Variants in CLCA2 observed in about 807,000 individuals in gnomAD.
The protein encoded by CLCA2 is chloride channel accessory 2.
Under a neutral mutation model 82.9 loss-of-function variants are expected in CLCA2, and 85 were observed. The observed-to-expected ratio is 1.03, with a 90% CI of 0.86 to 1.23. The LOEUF (loss-of-function observed/expected upper bound fraction) is 1.23. Ranked by LOEUF, CLCA2 falls within the 50% of genes most tolerant of loss-of-function variation. The probability of loss-of-function intolerance (pLI) is 0.00; values close to 1 mark genes in which losing one functional copy is unlikely to be tolerated. For synonymous variants in CLCA2, 421 were observed against 391.7 expected (o/e 1.07, Z -0.88); for missense variants, 1,089 against 1,124.8 (o/e 0.97, Z 0.45).
At chr1:86,433,085 A>G (rs1357470382) in intron 5 of CLCA2, among the ~76,000 whole-genome samples, 1 of 152,244 alleles carries the variant, frequency 6.6e-6, no homozygotes, top group Admixed American at 6.5e-5. Flanking sequence ...AATTAAAAAG[A>G]GTACTCTGTC....
At chr1:86,438,639 T>C (rs1433935432) in intron 6 of CLCA2, among the ~76,000 whole-genome samples, 2 of 152,184 alleles carry the variant, frequency 1.3e-5, no homozygotes, top group East Asian at 1.9e-4. Context: ...TGGTAAATTA[T>C]GAGCATCTTG....
chr1:86,437,360 T>C (rs17129155), intron 6 of CLCA2, among the ~76,000 whole-genome samples: 15,822 of 152,210 alleles, frequency 0.1, 977 homozygotes, highest in African/African-American at 0.16. Context: ...ACAATGTGAC[T>C]AGGCTCCACA....
At chr1:86,437,753 AAGAG>A (rs1477889781) in intron 6 of CLCA2, among the ~76,000 whole-genome samples, 2 of 152,132 alleles carry the variant, frequency 1.3e-5, no homozygotes, top group East Asian at 1.9e-4. Flanking sequence ...CAGAAATGGT[AAGAG>A]AGTCCTGGGT....
At chr1:86,444,335 T>C (rs1208784249) in intron 10 of CLCA2, among the ~76,000 whole-genome samples, 2 of 152,176 alleles carry the variant, frequency 1.3e-5, no homozygotes, top group Non-Finnish European at 2.9e-5. Context: ...TAGAAAAAAA[T>C]CTCTACTTAG....
In CLCA2 at chr1:86,453,573, C is replaced by G. The variant is rs781665646; in HGVS notation, c.2360C>G (p.Ala787Gly). Residue 787 changes from alanine (A) to glycine (G), a missense_variant, in exon 13 of 14, where the codon GCA becomes GGA. Physicochemically the swap from Ala to Gly is moderately conservative, Grantham distance 60. Coordinates refer to ENST00000370565, the MANE Select transcript of CLCA2 (RefSeq NM_006536.7). ...VEEELTLSWT[A>G]PGEDFDQGQA... Reference sequence around the variant, plus strand: ...GAGGAATTGACCCTATCTTGGACAGCACCTGGAGAAGACTTTGATCAGGGC... The same window carrying G: ...GAGGAATTGACCCTATCTTGGACAGGACCTGGAGAAGACTTTGATCAGGGC... 3 of 1,614,054 alleles carry G rather than the reference C, an allele frequency of 1.9e-6. No individual in the cohort carries two copies. The highest frequency in any genetic ancestry group is 1.7e-6 in the Non-Finnish European group (2 of 1,179,984).
At position 86,453,488 on chromosome 1, in the gene CLCA2, C is replaced by T. The variant is rs1258210464; in HGVS notation, c.2275C>T (p.Pro759Ser). 1 of 1,614,042 alleles carries T rather than the reference C, an allele frequency of 6.2e-7. No individual in the cohort carries two copies. The highest frequency in any genetic ancestry group is 1.7e-5 in the Admixed American group (1 of 60,012). ...TTCAGTGCTGGGAGTTCCAGCTGGCCCCCACCCTGATGTGTTTCCACCATG... is the reference window on the plus strand; with the variant it reads ...TTCAGTGCTGGGAGTTCCAGCTGGCTCCCACCCTGATGTGTTTCCACCATG... ...SFSVLGVPAG[P>S]HPDVFPPCKI... Residue 759 changes from proline to serine, a missense_variant, in exon 13 of 14, where the codon CCC becomes TCC. Pro to Ser is a moderately conservative substitution (Grantham distance 74). Coordinates refer to ENST00000370565, the MANE Select transcript of CLCA2 (RefSeq NM_006536.7).
At chr1:86,434,936 C>T (rs1467124931) in intron 6 of CLCA2, among the ~76,000 whole-genome samples, 191 bp downstream of exon 6, 1 of 152,046 alleles carries the variant, frequency 6.6e-6, no homozygotes, top group Admixed American at 6.6e-5. Flanking sequence ...CCTGCATTAA[C>T]TATTTATCCT....
In CLCA2 at chr1:86,424,296, A is replaced by G; in HGVS notation, c.49A>G (p.Thr17Ala). The G allele has an allele frequency of 3.7e-6, 6 of 1,613,672 alleles. No homozygotes were observed. The South Asian group carries it at 6.6e-5, about 18-fold the overall frequency. The change falls in exon 1 of 14, where the codon ACT becomes GCT. Residue 17 changes from threonine (T) to alanine (A), a missense_variant. Coordinates refer to ENST00000370565, the MANE Select transcript of CLCA2 (RefSeq NM_006536.7). ...TCCTATTTGCAACCTGAAGTTTGTG[A>G]CTCTCCTGGTTGCCTTAAGTTCAGA... is the stretch of plus-strand genomic sequence containing the variant. ...AGPICNLKFV[T>A]LLVALSSELP...
At chr1:86,433,640 A>G (rs1011118556) in intron 5 of CLCA2, among the ~76,000 whole-genome samples, 1 of 152,218 alleles carries the variant, frequency 6.6e-6, no homozygotes, top group Non-Finnish European at 1.5e-5. Context: ...TAGTCATGAA[A>G]TGGAAGAAAA....
At chr1:86,449,554 A>T (rs1455169199) in intron 11 of CLCA2, among the ~76,000 whole-genome samples, 1 of 152,266 alleles carries the variant, frequency 6.6e-6, no homozygotes, top group Non-Finnish European at 1.5e-5. Context: ...TTCTAAATCT[A>T]TCTTGATAAT....
At chr1:86,450,206 A>G (rs1286808113) in intron 11 of CLCA2, among the ~76,000 whole-genome samples, 1 of 152,220 alleles carries the variant, frequency 6.6e-6, no homozygotes, top group Non-Finnish European at 1.5e-5. Flanking sequence ...GCTTTTATTC[A>G]TATCTCAAAA....
Position 86,455,779 on chromosome 1 carries a change from G to T in CLCA2, c.*252G>T. ...GTAATGTCTTTAAAGGCAAAGGGAA[G>T]GGTAAAGTCGGACCAGTGTCAAGGA... On this transcript the variant is annotated 3_prime_UTR_variant, in exon 14 of 14. Transcript: ENST00000370565. 1 of 211,998 alleles carries T rather than the reference G, an allele frequency of 4.7e-6. No homozygotes were observed. The highest frequency in any genetic ancestry group is 9.2e-6 in the Non-Finnish European group (1 of 108,384). 13.1% of individuals were successfully genotyped at this position (211,998 alleles called of 1,614,324 possible).
rs1285880454 is a variant in CLCA2, at chr1:86,424,436, G to A, written c.186+3G>A. The stretch of plus-strand genomic sequence containing the variant: ...AGAACCTCATCTCAAACATTAAGGT[G>A]AGTGGAAATTATGAAATTGATACTA... On this transcript the variant is annotated splice_donor_region_variant and intron_variant, in intron 1 of 13. Transcript: ENST00000370565. 6 of 1,601,742 alleles carry A rather than the reference G, an allele frequency of 3.7e-6. No homozygotes were observed. The highest frequency in any genetic ancestry group is 5.1e-6 in the Non-Finnish European group (6 of 1,173,794).
intron 10 of CLCA2, among the ~76,000 whole-genome samples, chr1:86,445,804 A>G (rs1039419208): frequency 2.6e-5 from 4 of 152,162 alleles, no homozygotes; most frequent in Admixed American, 6.5e-5. Flanking sequence ...TTATAATAAA[A>G]CAAAAAATAC....
intron 11 of CLCA2, among the ~76,000 whole-genome samples, chr1:86,449,026 T>G (rs1365039216): frequency 6.6e-6 from 1 of 152,230 alleles, no homozygotes; most frequent in African/African-American, 2.4e-5. Context: ...GATATCTAAA[T>G]GTATGCACTA....
At chr1:86,446,778 A>G (rs1437678157) in intron 10 of CLCA2, among the ~76,000 whole-genome samples, 1 of 152,192 alleles carries the variant, frequency 6.6e-6, no homozygotes, top group Admixed American at 6.5e-5. Flanking sequence ...GAAAAGCAAT[A>G]TATGTATAGC....
Position 86,455,602 on chromosome 1 carries a change from C to A in CLCA2, c.*75C>A. ...GACTACAAAAACATACTAACAAAGT[C>A]AAATTAACATCAAAACTGTATTAAA... On this transcript the variant is annotated 3_prime_UTR_variant, in exon 14 of 14. Coordinates refer to ENST00000370565, the MANE Select transcript of CLCA2 (RefSeq NM_006536.7). The A allele has an allele frequency of 1.1e-6, 1 of 931,616 alleles. No homozygotes were observed. 57.7% of individuals were successfully genotyped at this position (931,616 alleles called of 1,614,324 possible).
intron 13 of CLCA2, 101 bp downstream of exon 13, chr1:86,453,703 G>A: frequency 9.8e-7 from 1 of 1,023,572 alleles, no homozygotes; most frequent in Non-Finnish European, 1.4e-6. Context: ...GGATTGTTGT[G>A]AAAAGCTCTG....
chr1:86,432,127 G>C (rs994442259), intron 4 of CLCA2, among the ~76,000 whole-genome samples: 2 of 152,040 alleles, frequency 1.3e-5, no homozygotes, highest in Admixed American at 6.6e-5. Context: ...GTAGAGACAG[G>C]GTTTCACCAT....
Sources: gnomAD v4.1 joint callset for allele counts (sites outside exome capture counted in the v4.1 genomes callset) on GRCh38, gnomAD v4.1.1 for gene constraint, MANE v1.5 for transcripts, NCBI Gene and HGNC (gene_info 2026-07-23, HGNC 2026-07-21) for gene names.